Variants in FAM13C observed in about 807,000 individuals in gnomAD.
FAM13C encodes the protein family with sequence similarity 13 member C.
A neutral mutation model predicts 73.2 loss-of-function variants in FAM13C; 37 were observed. That is an observed-to-expected ratio of 0.51 (90% CI 0.39 to 0.67). The LOEUF (loss-of-function observed/expected upper bound fraction) is 0.67. Among genes scored for constraint, FAM13C ranks in the 30% least tolerant of loss-of-function variants. FAM13C has a pLI of 0.00. For synonymous variants in FAM13C, 246 were observed against 260.9 expected, an observed-to-expected ratio of 0.94 and a Z score of 0.55; for missense variants, 589 against 715.6, an observed-to-expected ratio of 0.82 and a Z score of 2.02.
At chr10:59,268,301 G>A (rs987200672) in intron 8 of FAM13C, among the ~76,000 whole-genome samples, 1 of 152,036 alleles carries the variant, frequency 6.6e-6, no homozygotes, top group Non-Finnish European at 1.5e-5. Context: ...AAAAAGGTGA[G>A]ATCAATAATC....
intron 5 of FAM13C, among the ~76,000 whole-genome samples, chr10:59,293,685 A>T (rs554469405): frequency 6.6e-6 from 1 of 152,200 alleles, no homozygotes; most frequent in Non-Finnish European, 1.5e-5. Context: ...AAAATGTCCT[A>T]AAAAAGACAA....
chr10:59,248,647 A>G (rs1275583376), intron 13 of FAM13C, among the ~76,000 whole-genome samples: 1 of 152,174 alleles, frequency 6.6e-6, no homozygotes, highest in Non-Finnish European at 1.5e-5. Context: ...CACAATTACA[A>G]CTGAATATAA....
chr10:59,351,230 G>A (rs1186142697), intron 3 of FAM13C, among the ~76,000 whole-genome samples: 2 of 151,788 alleles, frequency 1.3e-5, no homozygotes, highest in Non-Finnish European at 2.9e-5. Flanking sequence ...TAATAGGGGA[G>A]GCTGAGGTGG....
Position 59,352,301 on chromosome 10 carries a change from G to T in FAM13C, c.293C>A (p.Ala98Glu), listed in dbSNP as rs781269278. 3.1e-6 allele frequency: 5 copies of T among 1,614,094 alleles called. No individual in the cohort carries two copies. The South Asian group carries it at 4.4e-5, about 14-fold the overall frequency. The change falls in exon 3 of 14, where the codon GCG becomes GAG. Residue 98 changes from alanine to glutamate, a missense_variant. Transcript: ENST00000618804. ...KSRKPKSIFKAESGRSHGESQ... is the reference protein window; with the variant it reads ...KSRKPKSIFKEESGRSHGESQ... ...TTCTCCGTGGCTCCTCCCGCTCTCCGCTTTGAAGATGGACTTGGGCTTCCT... is the reference window on the plus strand; with the variant it reads ...TTCTCCGTGGCTCCTCCCGCTCTCCTCTTTGAAGATGGACTTGGGCTTCCT...
chr10:59,292,312 C>T (rs1846355262), intron 5 of FAM13C, among the ~76,000 whole-genome samples: 1 of 152,186 alleles, frequency 6.6e-6, no homozygotes, highest in African/African-American at 2.4e-5. Flanking sequence ...GGCTGAACTC[C>T]AAAGCTAGTC....
chr10:59,326,224 AGAG>A (rs1184774669), intron 3 of FAM13C, among the ~76,000 whole-genome samples: 1 of 152,162 alleles, frequency 6.6e-6, no homozygotes, highest in Non-Finnish European at 1.5e-5. Flanking sequence ...AAGGACTGCA[AGAG>A]AAGAACTCTT....
intron 1 of FAM13C, among the ~76,000 whole-genome samples, chr10:59,358,025 A>C (rs1324942553): frequency 6.6e-6 from 1 of 152,194 alleles, no homozygotes; most frequent in African/African-American, 2.4e-5. Context: ...TAGTGAGTTA[A>C]ACAAAGGCCA....
chr10:59,342,354 TTGA>T (rs2134185463), intron 3 of FAM13C, among the ~76,000 whole-genome samples: 1 of 29,334 alleles, frequency 3.4e-5, no homozygotes, highest in Admixed American at 6.0e-4. Context: ...CCTTTAAAGT[TTGA>T]ACTAAAAAAA....
intron 10 of FAM13C, among the ~76,000 whole-genome samples, chr10:59,258,160 C>A (rs1842127278): frequency 6.6e-6 from 1 of 152,148 alleles, no homozygotes; most frequent in African/African-American, 2.4e-5. Context: ...GTATAGACTG[C>A]TCCCTTTTCT....
At chr10:59,360,949 G>T in intron 1 of FAM13C, 1 of 1,123,808 alleles carries the variant, frequency 8.9e-7, no homozygotes, top group Non-Finnish European at 1.2e-6. Context: ...CCGAGGATTT[G>T]GCCACACCAG....
intron 10 of FAM13C, among the ~76,000 whole-genome samples, chr10:59,259,663 C>A (rs1842291384): frequency 6.6e-6 from 1 of 152,158 alleles, no homozygotes; most frequent in South Asian, 2.1e-4. Flanking sequence ...TGAAGAGCTA[C>A]ATTATAGGTA....
intron 11 of FAM13C, 150 bp from the exon 12 acceptor site, chr10:59,253,148 G>A (rs1325681187): frequency 4.2e-6 from 3 of 715,850 alleles, no homozygotes; most frequent in Non-Finnish European, 7.0e-6. Context: ...AAGAAACCAA[G>A]AGGAGCTCTT....
chr10:59,355,798 A>G, intron 2 of FAM13C, 89 bp downstream of exon 2: 1 of 1,225,412 alleles, frequency 8.2e-7, no homozygotes, highest in Non-Finnish European at 1.2e-6. Context: ...ATTGGAATTC[A>G]AAGAAGAGAC....
chr10:59,314,371 A>G (rs1849284120), intron 4 of FAM13C, among the ~76,000 whole-genome samples: 1 of 152,308 alleles, frequency 6.6e-6, no homozygotes, highest in African/African-American at 2.4e-5. Context: ...TCTGGGAAGT[A>G]GATATTTTCA....
At chr10:59,346,163 G>T (rs187841753) in intron 3 of FAM13C, among the ~76,000 whole-genome samples, 6 of 151,574 alleles carry the variant, frequency 4.0e-5, no homozygotes, top group African/African-American at 1.5e-4. Flanking sequence ...TATAAAGTAC[G>T]TCCATAATTG....
chr10:59,299,043 G>A (rs1200129715), intron 5 of FAM13C, among the ~76,000 whole-genome samples: 1 of 151,880 alleles, frequency 6.6e-6, no homozygotes, highest in Non-Finnish European at 1.5e-5. Context: ...CAGTTCTGGT[G>A]GTTTATTGCA....
intron 5 of FAM13C, among the ~76,000 whole-genome samples, chr10:59,296,555 T>A (rs1249183799): frequency 6.6e-6 from 1 of 152,212 alleles, no homozygotes; most frequent in African/African-American, 2.4e-5. Flanking sequence ...ATCTCCTTTG[T>A]AGAATAAGAC....
At chr10:59,340,771 G>T (rs1853386605) in intron 3 of FAM13C, among the ~76,000 whole-genome samples, 1 of 151,678 alleles carries the variant, frequency 6.6e-6, no homozygotes, top group Admixed American at 6.6e-5. Flanking sequence ...ATTAGTATTT[G>T]CTTATTTTAT....
intron 4 of FAM13C, among the ~76,000 whole-genome samples, chr10:59,317,352 C>A (rs903928529): frequency 2.6e-5 from 4 of 152,116 alleles, no homozygotes; most frequent in Admixed American, 6.6e-5. Flanking sequence ...CATTCTCTGT[C>A]TCCTATAATC....
Sources: gnomAD v4.1 joint callset for allele counts (sites outside exome capture counted in the v4.1 genomes callset) on GRCh38, gnomAD v4.1.1 for gene constraint, MANE v1.5 for transcripts, NCBI Gene and HGNC (gene_info 2026-07-23, HGNC 2026-07-21) for gene names.